MAGI2: variants seen among roughly 807,000 people sequenced by gnomAD.
MAGI2 encodes membrane associated guanylate kinase, WW and PDZ domain containing 2, also known as membrane-associated guanylate kinase, WW and PDZ domain-containing protein 2.
In MAGI2, 35 loss-of-function variants were observed where a neutral mutation model predicts 133.3. The observed-to-expected ratio is 0.26, with a 90% CI of 0.20 to 0.35. The LOEUF is 0.35. Among genes scored for constraint, MAGI2 ranks in the 10% least tolerant of loss-of-function variants. The probability of loss-of-function intolerance (pLI) is 1.00; values close to 1 mark genes in which losing one functional copy is unlikely to be tolerated. For synonymous variants in MAGI2, 729 were observed against 710.6 expected, an observed-to-expected ratio of 1.03 and a Z score of -0.41; for missense variants, 1,636 against 1,863.4, an observed-to-expected ratio of 0.88 and a Z score of 2.25.
chr7:78,569,720 C>A (rs897741199), intron 3 of MAGI2, among the ~76,000 whole-genome samples: 2 of 152,156 alleles, frequency 1.3e-5, no homozygotes, highest in African/African-American at 2.4e-5. Context: ...CAATTTGACA[C>A]ATTTTCACAA....
chr7:79,034,369 A>T (rs553758257), intron 1 of MAGI2, among the ~76,000 whole-genome samples: 52 of 152,324 alleles, frequency 3.4e-4, no homozygotes, highest in African/African-American at 1.2e-3. Flanking sequence ...ACTGGTATCC[A>T]GGTTGCGGGT....
intron 6 of MAGI2, among the ~76,000 whole-genome samples, chr7:78,394,784 G>C (rs1466271126): frequency 6.6e-6 from 1 of 152,118 alleles, no homozygotes; most frequent in African/African-American, 2.4e-5. Flanking sequence ...ATTTCTCAAT[G>C]GTTGTTGCAT....
At chr7:78,639,942 G>A (rs1810102114) in intron 2 of MAGI2, among the ~76,000 whole-genome samples, 1 of 152,162 alleles carries the variant, frequency 6.6e-6, no homozygotes. Context: ...GTAGATAACT[G>A]CATGCCTCTG....
chr7:79,261,693 C>A (rs1834105487), intron 1 of MAGI2, among the ~76,000 whole-genome samples: 1 of 152,096 alleles, frequency 6.6e-6, no homozygotes, highest in African/African-American at 2.4e-5. Flanking sequence ...GATATTGGGT[C>A]AATGAAACAA....
At chr7:78,559,909 A>C (rs893579405) in intron 3 of MAGI2, among the ~76,000 whole-genome samples, 1 of 152,144 alleles carries the variant, frequency 6.6e-6, no homozygotes, top group African/African-American at 2.4e-5. Context: ...ATATTGGAAA[A>C]CAGTCCTACA....
intron 2 of MAGI2, among the ~76,000 whole-genome samples, chr7:78,951,880 C>T (rs1453696841): frequency 2.0e-5 from 3 of 152,298 alleles, no homozygotes; most frequent in African/African-American, 7.2e-5. Context: ...ATCCTCTACA[C>T]TGATTAGGGA....
At chr7:79,089,205 G>T (rs1043371501) in intron 1 of MAGI2, among the ~76,000 whole-genome samples, 2 of 152,074 alleles carry the variant, frequency 1.3e-5, no homozygotes, top group Non-Finnish European at 2.9e-5. Context: ...ATGAAAAAAA[G>T]CTCATAATCA....
At chr7:78,381,764 A>T (rs922613979) in intron 6 of MAGI2, among the ~76,000 whole-genome samples, 2 of 152,208 alleles carry the variant, frequency 1.3e-5, no homozygotes, top group African/African-American at 4.8e-5. Context: ...TCATTCTCTA[A>T]CAGACACAAA....
chr7:78,198,449 C>G (rs112656316), intron 11 of MAGI2, among the ~76,000 whole-genome samples: 24,953 of 68,414 alleles, frequency 0.36, 2,689 homozygotes, highest in Middle Eastern at 0.46. Context: ...TTTTTTTTTT[C>G]GAGACATGGT....
At chr7:78,929,469 A>G (rs1005306237) in intron 2 of MAGI2, among the ~76,000 whole-genome samples, 2 of 152,066 alleles carry the variant, frequency 1.3e-5, no homozygotes, top group Admixed American at 1.3e-4. Flanking sequence ...GTAAAAATCA[A>G]GTTCACCTGG....
chr7:78,212,186 C>A (rs1321014110), intron 10 of MAGI2, among the ~76,000 whole-genome samples: 1 of 152,186 alleles, frequency 6.6e-6, no homozygotes, highest in Non-Finnish European at 1.5e-5. Context: ...AATGTATCTC[C>A]TCAAATAATT....
intron 2 of MAGI2, among the ~76,000 whole-genome samples, chr7:78,907,084 G>A (rs1405306127): frequency 6.6e-6 from 1 of 152,162 alleles, no homozygotes; most frequent in African/African-American, 2.4e-5. Flanking sequence ...GTAGAGGTGG[G>A]TGAAATAGTG....
intron 7 of MAGI2, among the ~76,000 whole-genome samples, chr7:78,349,439 C>T (rs1791260049): frequency 6.6e-6 from 1 of 152,160 alleles, no homozygotes; most frequent in African/African-American, 2.4e-5. Flanking sequence ...TTAGAAAATA[C>T]ATTACAAAAA....
intron 1 of MAGI2, among the ~76,000 whole-genome samples, chr7:79,421,976 C>T (rs1846989256): frequency 1.3e-5 from 2 of 151,984 alleles, no homozygotes; most frequent in African/African-American, 4.8e-5. Flanking sequence ...GAGGATGTTT[C>T]ATTGTTCTAA....
At chr7:78,945,008 G>A (rs1801301668) in intron 2 of MAGI2, among the ~76,000 whole-genome samples, 1 of 151,860 alleles carries the variant, frequency 6.6e-6, no homozygotes, top group African/African-American at 2.4e-5. Flanking sequence ...CAAAGTGCTG[G>A]ATTTACAGGC....
chr7:78,518,320 G>T (rs1472676733), intron 4 of MAGI2: 1 of 152,060 alleles, frequency 6.6e-6, no homozygotes, highest in African/African-American at 2.4e-5. Flanking sequence ...GCTTGTATTT[G>T]GTTATATAAG....
At chr7:78,047,322 C>T (rs1811536320) in intron 21 of MAGI2, among the ~76,000 whole-genome samples, 1 of 152,138 alleles carries the variant, frequency 6.6e-6, no homozygotes, top group African/African-American at 2.4e-5. Flanking sequence ...CATGGAACTG[C>T]CTGGGGAGGA....
chr7:78,428,419 A>G (rs1799488114), intron 6 of MAGI2, among the ~76,000 whole-genome samples: 1 of 152,186 alleles, frequency 6.6e-6, no homozygotes, highest in African/African-American at 2.4e-5. Flanking sequence ...CCAGTGATGA[A>G]TTGACCTTAT....
chr7:78,388,873 A>G (rs1181636424), intron 6 of MAGI2, among the ~76,000 whole-genome samples: 1 of 152,222 alleles, frequency 6.6e-6, no homozygotes, highest in Non-Finnish European at 1.5e-5. Flanking sequence ...TACTACAAAT[A>G]TAGTCCGTGA....
Sources: gnomAD v4.1 joint callset for allele counts (sites outside exome capture counted in the v4.1 genomes callset) on GRCh38, gnomAD v4.1.1 for gene constraint, MANE v1.5 for transcripts, NCBI Gene and HGNC (gene_info 2026-07-23, HGNC 2026-07-21) for gene names.